PDXDC1: variants seen among roughly 807,000 people sequenced by gnomAD.
The protein encoded by PDXDC1 is pyridoxal dependent decarboxylase domain containing 1, also known as pyridoxal-dependent decarboxylase domain-containing protein 1.
Under a neutral mutation model 100.1 loss-of-function variants are expected in PDXDC1, and 42 were observed. That is an observed-to-expected ratio of 0.42 (90% CI 0.33 to 0.54). PDXDC1 has a LOEUF of 0.54. PDXDC1 is among the 20% of genes least tolerant of loss of function. The probability of loss-of-function intolerance (pLI) is 0.10; values close to 1 mark genes in which losing one functional copy is unlikely to be tolerated. For synonymous variants in PDXDC1, 260 were observed against 371.7 expected (o/e 0.70, Z 3.46); for missense variants, 636 against 979.2 (o/e 0.65, Z 4.68).
chr16:15,060,047 T>C (rs1036287607), intron 16 of PDXDC1: 5 of 209,616 alleles, frequency 2.4e-5, no homozygotes, highest in Non-Finnish European at 5.0e-5. Context: ...TTGAGGTACC[T>C]TTTATTGGTA....
intron 16 of PDXDC1, chr16:15,094,118 C>G (rs764828674): frequency 1.9e-6 from 3 of 1,569,796 alleles, no homozygotes; most frequent in African/African-American, 2.7e-5. Flanking sequence ...GTCCCAGATA[C>G]GCAGAAGGAA....
chr16:15,085,586 G>T, intron 16 of PDXDC1: 2 of 1,594,362 alleles, frequency 1.3e-6, no homozygotes, highest in Non-Finnish European at 1.7e-6. Flanking sequence ...CCAAAGTGCT[G>T]GGATTATGGG....
intron 16 of PDXDC1, chr16:15,137,353 A>C: frequency 4.0e-6 from 6 of 1,512,996 alleles, no homozygotes; most frequent in Non-Finnish European, 4.4e-6. Context: ...CGAAGGAGGC[A>C]CTAGAGGGCT....
chr16:15,087,421 G>C (rs537549333), intron 16 of PDXDC1, among the ~76,000 whole-genome samples: 151 of 152,172 alleles, frequency 9.9e-4, no homozygotes, highest in Admixed American at 1.8e-3. Context: ...AAAGAAGCAG[G>C]TCCAAACCCG....
At chr16:15,013,422 G>A (rs2041509186) in intron 8 of PDXDC1, among the ~76,000 whole-genome samples, 1 of 151,932 alleles carries the variant, frequency 6.6e-6, no homozygotes, top group African/African-American at 2.4e-5. Flanking sequence ...TCCAGGGCCA[G>A]TGAGGAGTCA....
At chr16:15,047,179 C>T (rs1406584061) in intron 16 of PDXDC1, 4 of 501,684 alleles carry the variant, frequency 8.0e-6, no homozygotes, top group African/African-American at 1.9e-5. Context: ...ATCGCAACCT[C>T]GACGTTCCTG....
chr16:15,019,731 A>C (rs1019069870), intron 12 of PDXDC1, among the ~76,000 whole-genome samples: 3 of 152,222 alleles, frequency 2.0e-5, no homozygotes, highest in Non-Finnish European at 4.4e-5. Flanking sequence ...TGCCCTAATG[A>C]CCTCCCAAAG....
chr16:15,041,696 A>G (rs565245548), downstream of PDXDC1: 1 of 1,587,946 alleles, frequency 6.3e-7, no homozygotes, highest in East Asian at 2.2e-5. Context: ...GAATTTTAAG[A>G]CCAGAAGTCA....
At chr16:15,040,027 A>T, downstream of PDXDC1, 2 of 1,612,348 alleles carry the variant, frequency 1.2e-6, no homozygotes, top group Non-Finnish European at 1.7e-6. Context: ...CCGATCTTGA[A>T]AGGATGCTCT....
chr16:15,115,698 T>TCCCAAGTAGCTGGAAC (rs1297602259), intron 16 of PDXDC1, among the ~76,000 whole-genome samples: 1 of 1,072 alleles, frequency 9.3e-4, no homozygotes. Flanking sequence ...AGACAAAGTC[T>TCCCAAGTAGCTGGAAC]TGCTCTGTCA....
chr16:15,036,958 A>G lies in PDXDC1; in HGVS notation c.*683A>G, dbSNP rs1555575634. 6.6e-6 allele frequency: 1 copy of G among 152,400 alleles called. No homozygotes were observed. The highest frequency in any genetic ancestry group is 1.5e-5 in the Non-Finnish European group (1 of 68,198). 9.4% of individuals were successfully genotyped at this position (152,400 alleles called of 1,614,324 possible). On this transcript the variant is annotated 3_prime_UTR_variant, in exon 23 of 23. Coordinates refer to ENST00000396410, the MANE Select transcript of PDXDC1 (RefSeq NM_015027.4). ...CTGTAAAGTCTCCTCCTGACCATAT[A>G]TTTTTAAATACTGGCAAAGCTTTTA...
chr16:15,055,956 C>G (rs979562568), intron 16 of PDXDC1: 2 of 1,228,446 alleles, frequency 1.6e-6, no homozygotes, highest in Non-Finnish European at 2.0e-6. Flanking sequence ...CGCCGCCCCT[C>G]GACGAGCAGC....
At chr16:14,974,779 C>T, upstream of PDXDC1, 1 of 1,535,496 alleles carries the variant, frequency 6.5e-7, no homozygotes, top group South Asian at 1.2e-5. Flanking sequence ...AGGCGGGAGA[C>T]TTGGAAGCCT....
intron 16 of PDXDC1, chr16:15,131,521 G>T (rs1598246951): frequency 1.2e-5 from 20 of 1,608,820 alleles, no homozygotes; most frequent in Non-Finnish European, 1.5e-5. Context: ...CTTGCCCTGG[G>T]CCACGATCTC....
At chr16:15,130,505 T>C (rs1202457205) in intron 16 of PDXDC1, 3 of 1,355,180 alleles carry the variant, frequency 2.2e-6, no homozygotes, top group Middle Eastern at 2.5e-4. Flanking sequence ...CCAGGTTGGA[T>C]ATCGGAGTCC....
chr16:15,093,299 C>G (rs1470777997), intron 16 of PDXDC1, among the ~76,000 whole-genome samples: 2 of 152,152 alleles, frequency 1.3e-5, no homozygotes, highest in African/African-American at 4.8e-5. Flanking sequence ...CAACCGCGCC[C>G]GGCCTAGATT....
chr16:15,129,349 G>A (rs1000108886), intron 16 of PDXDC1, among the ~76,000 whole-genome samples: 4 of 151,628 alleles, frequency 2.6e-5, no homozygotes, highest in African/African-American at 9.7e-5. Context: ...CGCTTAAGGG[G>A]AATCGCTTAA....
At chr16:15,040,117 A>C (rs2043744148), downstream of PDXDC1, 1 of 964,176 alleles carries the variant, frequency 1.0e-6, no homozygotes, top group South Asian at 1.3e-5. Context: ...CAAAGCGGAA[A>C]GTCTGCACAG....
At chr16:15,131,758 G>C in intron 16 of PDXDC1, 1 of 926,086 alleles carries the variant, frequency 1.1e-6, no homozygotes, top group Admixed American at 2.3e-5. Context: ...GAGGGAGGGT[G>C]GGGGCAGGCA....
Sources: allele counts gnomAD v4.1 joint callset (sites outside exome capture counted in the v4.1 genomes callset), GRCh38; gene constraint gnomAD v4.1.1; transcripts MANE v1.5; gene names NCBI Gene and HGNC (gene_info 2026-07-23, HGNC 2026-07-21).